POTEE: variants seen among roughly 807,000 people sequenced by gnomAD.
The protein encoded by POTEE is POTE ankyrin domain family member E, also known as ANKRD26-like family C member 1A.
A neutral mutation model predicts 74.2 loss-of-function variants in POTEE; 21 were observed. The ratio of observed to expected loss-of-function variants is 0.28; its 90% confidence interval spans 0.20 to 0.41. POTEE has a LOEUF of 0.41. Among genes scored for constraint, POTEE ranks in the 10% least tolerant of loss-of-function variants. The pLI, the probability that POTEE is intolerant of heterozygous loss-of-function variation, is 1.00. For missense variants in POTEE, 525 were observed against 1,158.6 expected, an observed-to-expected ratio of 0.45 and a Z score of 7.94; for synonymous variants, 211 against 432.8, an observed-to-expected ratio of 0.49 and a Z score of 6.36.
At chr2:131,219,859 A>AT (rs1025935258) in intron 4 of POTEE, among the ~76,000 whole-genome samples, 5 of 152,148 alleles carry the variant, frequency 3.3e-5, no homozygotes, top group Non-Finnish European at 5.9e-5. Context: ...TGATAAATTA[A>AT]TTTTTTGTAA....
intron 8 of POTEE, among the ~76,000 whole-genome samples, chr2:131,229,287 T>C (rs191453191): frequency 6.6e-5 from 10 of 152,136 alleles, no homozygotes; most frequent in African/African-American, 2.2e-4. Flanking sequence ...AGGTCAGTGT[T>C]TGTTTCCTCT....
intron 9 of POTEE, among the ~76,000 whole-genome samples, chr2:131,235,360 A>G (rs1701094895): frequency 1.3e-5 from 2 of 152,240 alleles, no homozygotes; most frequent in African/African-American, 2.4e-5. Flanking sequence ...AGACATGTGG[A>G]GGAATAATGT....
intron 4 of POTEE, among the ~76,000 whole-genome samples, chr2:131,221,844 CAGG>C (rs1248986440): frequency 6.6e-6 from 1 of 152,174 alleles, no homozygotes; most frequent in Non-Finnish European, 1.5e-5. Context: ...CATTACTCGA[CAGG>C]AGTTTTCTTT....
chr2:131,210,389 T>G (rs1700332874), intron 1 of POTEE, among the ~76,000 whole-genome samples: 1 of 145,532 alleles, frequency 6.9e-6, no homozygotes, highest in Non-Finnish European at 1.5e-5. Context: ...GTGTTGGGTG[T>G]GCTGTCCGGG....
At chr2:131,225,815 C>T (rs1292385265) in intron 6 of POTEE, among the ~76,000 whole-genome samples, 2 of 151,922 alleles carry the variant, frequency 1.3e-5, no homozygotes, top group South Asian at 4.2e-4. Context: ...TGTGAGCCAC[C>T]ATTCCTGACC....
intron 8 of POTEE, among the ~76,000 whole-genome samples, chr2:131,229,218 C>A (rs2105087349): frequency 6.6e-6 from 1 of 152,230 alleles, no homozygotes; most frequent in South Asian, 2.1e-4. Flanking sequence ...TTTTCTCTGG[C>A]AGATGTTAGG....
chr2:131,228,867 A>G (rs1409035200), intron 8 of POTEE, among the ~76,000 whole-genome samples: 1 of 145,042 alleles, frequency 6.9e-6, no homozygotes, highest in South Asian at 2.1e-4. Flanking sequence ...CATTGCAATC[A>G]TTCTGTTGTT....
chr2:131,213,820 T>TA, intron 2 of POTEE, among the ~76,000 whole-genome samples: 1 of 151,180 alleles, frequency 6.6e-6, no homozygotes, highest in Non-Finnish European at 1.5e-5. Flanking sequence ...AGAGCAGGAA[T>TA]GAAACCCAGG....
intron 4 of POTEE, among the ~76,000 whole-genome samples, chr2:131,219,987 A>G (rs1260557382): frequency 1.3e-5 from 2 of 151,068 alleles, no homozygotes; most frequent in African/African-American, 4.9e-5. Flanking sequence ...GAAATTTAGA[A>G]ATACCCAAAT....
chr2:131,209,752 C>T lies in POTEE; in HGVS notation c.-412C>T, dbSNP rs1369986871. On this transcript the variant is annotated 5_prime_UTR_variant, in exon 1 of 18. Coordinates refer to ENST00000683005, the MANE Select transcript of POTEE (RefSeq NM_001083538.3). ...TGGAGCCTGAGCCCCTGGGGCTCGC[C>T]TTGCTGTGTTTGGTGGTGACGTGGG... 1.3e-5 allele frequency among the ~76,000 whole-genome samples: 2 copies of T among 152,200 alleles called. No homozygotes were observed. The highest frequency in any genetic ancestry group is 4.8e-5 in the African/African-American group (2 of 41,460).
At chr2:131,212,385 T>C (rs1445361366) in intron 2 of POTEE, among the ~76,000 whole-genome samples, 2 of 151,648 alleles carry the variant, frequency 1.3e-5, no homozygotes, top group East Asian at 1.9e-4. Flanking sequence ...TAATGCGTTA[T>C]AAGTAGTTAT....
At chr2:131,235,223 T>A (rs1573720094) in intron 9 of POTEE, among the ~76,000 whole-genome samples, 1 of 150,220 alleles carries the variant, frequency 6.7e-6, no homozygotes, top group African/African-American at 2.5e-5. Context: ...TGACATGCTT[T>A]ATTTTAATTG....
intron 6 of POTEE, among the ~76,000 whole-genome samples, chr2:131,224,969 A>G (rs930157223): frequency 6.6e-6 from 1 of 152,144 alleles, no homozygotes; most frequent in African/African-American, 2.4e-5. Context: ...TGAGTTGACT[A>G]GACCCTGTTC....
At chr2:131,232,932 C>G (rs1701010063) in intron 9 of POTEE, among the ~76,000 whole-genome samples, 1 of 151,920 alleles carries the variant, frequency 6.6e-6, no homozygotes, top group Non-Finnish European at 1.5e-5. Flanking sequence ...ATTTCACTGG[C>G]TGGGTCACAC....
intron 2 of POTEE, among the ~76,000 whole-genome samples, chr2:131,212,633 C>T (rs1233987429): frequency 3.6e-5 from 5 of 139,982 alleles, no homozygotes; most frequent in South Asian, 2.4e-4. Flanking sequence ...GGGGCGATCT[C>T]GGCTCACTGC....
intron 6 of POTEE, among the ~76,000 whole-genome samples, chr2:131,225,181 C>G (rs1349995641): frequency 1.3e-5 from 2 of 151,842 alleles, no homozygotes; most frequent in African/African-American, 4.8e-5. Context: ...AAATAATCAA[C>G]AAGTCTAGGC....
At chr2:131,211,330 C>T (rs1316695921) in intron 2 of POTEE, among the ~76,000 whole-genome samples, 147 bp downstream of exon 2, 1 of 151,052 alleles carries the variant, frequency 6.6e-6, no homozygotes, top group African/African-American at 2.4e-5. Context: ...AGGAGCACTG[C>T]AGGGCCCAGT....
In POTEE at chr2:131,265,089, G is replaced by A. The variant is rs952687117; in HGVS notation, c.*406G>A. The A allele has an allele frequency of 4.8e-6, 1 of 209,630 alleles. No homozygotes were observed. Among genetic ancestry groups the A allele is most frequent in the African/African-American group, 2.4e-5 (1 of 41,346 alleles). 13.0% of individuals were successfully genotyped at this position (209,630 alleles called of 1,614,324 possible). ...CAAATTACATAATGCAAAATTTTTT[G>A]AATCTTCGCCTTAATACTTTTTAAT... On this transcript the variant is annotated 3_prime_UTR_variant, in exon 18 of 18. Transcript: ENST00000683005.
chr2:131,230,194 C>T (rs1320768199), intron 8 of POTEE, among the ~76,000 whole-genome samples: 2 of 152,092 alleles, frequency 1.3e-5, no homozygotes, highest in African/African-American at 4.8e-5. Flanking sequence ...TAGTTACAAA[C>T]TATGACATAG....
Sources: gnomAD v4.1 joint callset for allele counts (sites outside exome capture counted in the v4.1 genomes callset) on GRCh38, gnomAD v4.1.1 for gene constraint, MANE v1.5 for transcripts, NCBI Gene and HGNC (gene_info 2026-07-23, HGNC 2026-07-21) for gene names.